The following ROBO2 variants were observed in gnomAD, a reference collection of about 807,000 sequenced individuals.
ROBO2 encodes roundabout guidance receptor 2, also known as roundabout homolog 2.
ROBO2 carries 53 observed loss-of-function variants against 160.8 expected under a neutral mutation model. The ratio of observed to expected loss-of-function variants is 0.33; its 90% CI spans 0.26 to 0.41. ROBO2 has a LOEUF of 0.41. Ranked by LOEUF, ROBO2 falls within the 10% of genes least tolerant of loss-of-function variation. ROBO2 has a pLI of 1.00. For missense variants in ROBO2, 1,577 were observed against 1,722.4 expected (o/e 0.92, Z 1.49); for synonymous variants, 664 against 611.7 (o/e 1.09, Z -1.26).
At chr3:76,128,433 A>G (rs186507469) in intron 2 of ROBO2, among the ~76,000 whole-genome samples, 68 of 152,236 alleles carry the variant, frequency 4.5e-4, no homozygotes, top group Non-Finnish European at 7.2e-4. Context: ...TCTCAGACCA[A>G]TGGAATTATA....
chr3:77,472,500 A>C (rs897955257), intron 2 of ROBO2, among the ~76,000 whole-genome samples: 4 of 152,196 alleles, frequency 2.6e-5, no homozygotes, highest in African/African-American at 4.8e-5. Flanking sequence ...ATCCCAATGT[A>C]AAAAAACATG....
intron 2 of ROBO2, among the ~76,000 whole-genome samples, chr3:77,180,275 C>A (rs1412601993): frequency 2.0e-5 from 3 of 151,402 alleles, no homozygotes; most frequent in African/African-American, 7.3e-5. Context: ...ATCATTGAAT[C>A]AAGTGTGGAA....
At chr3:75,947,033 T>C (rs1481351473) in intron 2 of ROBO2, among the ~76,000 whole-genome samples, 2 of 151,868 alleles carry the variant, frequency 1.3e-5, no homozygotes, top group East Asian at 1.9e-4. Flanking sequence ...TCAGTTGAGA[T>C]TGGAAGTTGA....
chr3:76,760,108 G>C (rs981573142), intron 2 of ROBO2, among the ~76,000 whole-genome samples: 2 of 151,768 alleles, frequency 1.3e-5, no homozygotes, highest in Non-Finnish European at 2.9e-5. Context: ...AAAGAGACTA[G>C]AGGTAGCTGT....
intron 2 of ROBO2, among the ~76,000 whole-genome samples, chr3:76,384,968 T>G (rs570571523): frequency 2.0e-5 from 3 of 152,300 alleles, no homozygotes; most frequent in African/African-American, 7.2e-5. Context: ...CTATATTATT[T>G]TGTCCGCAAA....
At chr3:76,572,536 C>G (rs2085021113) in intron 2 of ROBO2, among the ~76,000 whole-genome samples, 1 of 152,118 alleles carries the variant, frequency 6.6e-6, no homozygotes, top group South Asian at 2.1e-4. Flanking sequence ...ACAGTGTGCT[C>G]AAACAATGCA....
intron 2 of ROBO2, among the ~76,000 whole-genome samples, chr3:76,071,698 T>C (rs193300525): frequency 4.6e-4 from 70 of 152,254 alleles, no homozygotes; most frequent in African/African-American, 1.7e-3. Context: ...GATATTGTCA[T>C]TTAAATTCAC....
intron 2 of ROBO2, among the ~76,000 whole-genome samples, chr3:76,528,297 A>G (rs1258755075): frequency 1.3e-5 from 2 of 152,120 alleles, no homozygotes; most frequent in Non-Finnish European, 2.9e-5. Flanking sequence ...ATGTACAGAC[A>G]GGCAAGAGCT....
chr3:77,140,375 A>C (rs193084024), intron 2 of ROBO2, among the ~76,000 whole-genome samples: 31 of 152,206 alleles, frequency 2.0e-4, no homozygotes, highest in Non-Finnish European at 4.3e-4. Flanking sequence ...TCAGTTCAGT[A>C]AACACTGAAG....
intron 2 of ROBO2, among the ~76,000 whole-genome samples, chr3:76,294,156 G>A (rs1379616788): frequency 1.3e-5 from 2 of 152,184 alleles, no homozygotes; most frequent in African/African-American, 4.8e-5. Flanking sequence ...GGGAGTCGGG[G>A]AGACCAGGCA....
chr3:77,243,981 C>T (rs1327828201), intron 2 of ROBO2, among the ~76,000 whole-genome samples: 1 of 152,102 alleles, frequency 6.6e-6, no homozygotes, highest in Non-Finnish European at 1.5e-5. Context: ...ATAGGATGTA[C>T]ACATTGTGGG....
Position 76,060,109 on chromosome 3 carries a change from T to C in ROBO2, c.109+122507T>C, listed in dbSNP as rs1576679503. On this transcript the variant is annotated intron_variant, in intron 2 of 26. Transcript: ENST00000487694. ...TTCCAACAGAATCAGCTAGAAAATGTTTTTTTTTTTAAAGACAATGTGATT... is the reference window on the plus strand; with the variant it reads ...TTCCAACAGAATCAGCTAGAAAATGCTTTTTTTTTTAAAGACAATGTGATT... Among the ~76,000 whole-genome samples, 3 of 19,016 alleles carry C rather than the reference T, an allele frequency of 1.6e-4. No individual in the cohort carries two copies. The South Asian group carries it at 6.7e-3, about 42-fold the overall frequency. The allele number at this position is 19,016 out of a possible 152,430, so 12.5% of individuals were successfully genotyped here. A position where few individuals can be genotyped will look rare whatever the true frequency, so the allele number is the denominator to read the frequency against.
intron 2 of ROBO2, among the ~76,000 whole-genome samples, chr3:76,844,414 C>G (rs745496678): frequency 4.2e-4 from 64 of 151,916 alleles, no homozygotes; most frequent in Non-Finnish European, 8.5e-4. Context: ...TAAACTACTT[C>G]ATCAGGAGAA....
rs1553693998 is a variant in ROBO2 at position 76,925,228 on chromosome 3, A to ATAAAAT, written c.110-172786_110-172785insTAAAAT. ...TCCGTCTCAAAAAAAAAAAAAAAAA[A>ATAAAAT]AAATCTGGTTTGCTTTTCTAAACCT... On this transcript the variant is annotated intron_variant, in intron 2 of 26. Transcript: ENST00000487694. 1.3e-3 allele frequency among the ~76,000 whole-genome samples: 191 copies of ATAAAAT among 147,536 alleles called. 5 individuals are homozygous for ATAAAAT. The highest frequency in any genetic ancestry group is 0.012 in the South Asian group (55 of 4,670).
chr3:76,736,238 C>A (rs60470784), intron 2 of ROBO2, among the ~76,000 whole-genome samples: 1 of 150,230 alleles, frequency 6.7e-6, no homozygotes, highest in Non-Finnish European at 1.5e-5. Flanking sequence ...GCCGAGATCG[C>A]GTCCCTGCAC....
intron 2 of ROBO2, among the ~76,000 whole-genome samples, chr3:77,121,687 G>T (rs1469664094): frequency 2.0e-5 from 3 of 151,964 alleles, no homozygotes; most frequent in African/African-American, 4.8e-5. Context: ...TTTCTTGTAG[G>T]TATTGTTTTA....
intron 6 of ROBO2, among the ~76,000 whole-genome samples, chr3:77,533,528 G>C (rs1392980430): frequency 2.0e-5 from 3 of 152,146 alleles, no homozygotes; most frequent in African/African-American, 7.2e-5. Flanking sequence ...CTGGTTCCTT[G>C]TGGTTGTAGG....
intron 1 of ROBO2, among the ~76,000 whole-genome samples, chr3:77,065,750 A>G (rs2066772244): frequency 6.6e-6 from 1 of 152,154 alleles, no homozygotes; most frequent in South Asian, 2.1e-4. Context: ...ATGAAGTCAA[A>G]TATATGTTTC....
intron 2 of ROBO2, among the ~76,000 whole-genome samples, chr3:77,360,061 G>C (rs575218207): frequency 6.6e-6 from 1 of 152,132 alleles, no homozygotes; most frequent in Non-Finnish European, 1.5e-5. Flanking sequence ...AATCTCTGCT[G>C]TGTTCCAGCA....
Sources: gnomAD v4.1 joint callset for allele counts (sites outside exome capture counted in the v4.1 genomes callset) on GRCh38, gnomAD v4.1.1 for gene constraint, MANE v1.5 for transcripts, NCBI Gene and HGNC (gene_info 2026-07-23, HGNC 2026-07-21) for gene names.